The following ZBTB16 variants were observed in gnomAD, a reference collection of about 807,000 sequenced individuals.
ZBTB16 encodes zinc finger and BTB domain containing 16.
Under a neutral mutation model 56.8 loss-of-function variants are expected in ZBTB16, and 8 were observed. That is an observed-to-expected ratio of 0.14 (90% CI 0.08 to 0.25). ZBTB16 has a LOEUF of 0.25. Ranked by LOEUF, ZBTB16 falls within the 10% of genes least tolerant of loss-of-function variation. The probability of loss-of-function intolerance (pLI) is 1.00; values close to 1 mark genes in which losing one functional copy is unlikely to be tolerated. For missense variants in ZBTB16, 625 were observed against 903.0 expected (o/e 0.69, Z 3.95); for synonymous variants, 363 against 368.5 (o/e 0.98, Z 0.17).
At chr11:114,156,283 C>T in intron 2 of ZBTB16, 54 bp from the exon 3 acceptor site, 3 of 1,595,166 alleles carry the variant, frequency 1.9e-6, no homozygotes, top group Non-Finnish European at 2.6e-6. Context: ...GGGGATGGCC[C>T]TGCCTCTTGT....
intron 4 of ZBTB16, among the ~76,000 whole-genome samples, chr11:114,189,992 G>C (rs1198708503): frequency 1.3e-5 from 2 of 152,172 alleles, no homozygotes; most frequent in African/African-American, 2.4e-5. Context: ...ATACTATTTG[G>C]CCTTAAAAAG....
At chr11:114,090,868 A>G (rs766943605) in intron 2 of ZBTB16, among the ~76,000 whole-genome samples, 9 of 152,116 alleles carry the variant, frequency 5.9e-5, no homozygotes, top group Non-Finnish European at 1.2e-4. Context: ...TTTGTGGGAA[A>G]TTTTAAGAAA....
At chr11:114,197,354 A>G (rs1265059993) in intron 4 of ZBTB16, among the ~76,000 whole-genome samples, 1 of 152,066 alleles carries the variant, frequency 6.6e-6, no homozygotes, top group Non-Finnish European at 1.5e-5. Flanking sequence ...GGGAGTGGGC[A>G]TTGGAGGGAA....
chr11:114,179,825 G>A (rs1943204860), intron 3 of ZBTB16, among the ~76,000 whole-genome samples: 1 of 152,052 alleles, frequency 6.6e-6, no homozygotes, highest in Non-Finnish European at 1.5e-5. Flanking sequence ...TGGATGCCGG[G>A]ACCCCCTCAG....
chr11:114,234,078 C>A (rs1944512436), intron 4 of ZBTB16, among the ~76,000 whole-genome samples: 1 of 152,176 alleles, frequency 6.6e-6, no homozygotes, highest in South Asian at 2.1e-4. Context: ...GCTTTTGCTC[C>A]CTTGACTGAC....
chr11:114,245,642 G>A lies in ZBTB16; in HGVS notation c.1625-1556G>A, dbSNP rs115606577. 9.1e-3 allele frequency among the ~76,000 whole-genome samples: 1,393 copies of A among 152,264 alleles called. 20 individuals are homozygous for A. The highest frequency in any genetic ancestry group is 0.03 in the African/African-American group (1,256 of 41,534). On this transcript the variant is annotated intron_variant, in intron 5 of 6. Transcript: ENST00000335953. ...AAAGGAAGTGAAGGCACAGGCATGC[G>A]AGTCTATAACGAGAAGGACAATTTA...
chr11:114,207,700 G>C (rs1020293164), intron 4 of ZBTB16, among the ~76,000 whole-genome samples: 1 of 151,908 alleles, frequency 6.6e-6, no homozygotes, highest in African/African-American at 2.4e-5. Context: ...TGCAACCTCC[G>C]CCTCCTGGGT....
At chr11:114,126,608 G>T (rs1941514968) in intron 2 of ZBTB16, among the ~76,000 whole-genome samples, 1 of 152,196 alleles carries the variant, frequency 6.6e-6, no homozygotes, top group Non-Finnish European at 1.5e-5. Flanking sequence ...ATGGGGTTAG[G>T]GATCCGGCTG....
intron 2 of ZBTB16, among the ~76,000 whole-genome samples, chr11:114,100,447 C>T (rs1002306305): frequency 6.6e-6 from 1 of 152,170 alleles, no homozygotes; most frequent in Non-Finnish European, 1.5e-5. Flanking sequence ...TCTATGCCCC[C>T]TACTCCCCAG....
At position 114,254,963 on chromosome 11, in the gene ZBTB16, GC is replaced by G. The variant is rs1175117462; in HGVS notation, c.*4411del. The stretch of plus-strand genomic sequence containing the variant: ...TAGCCAGCAGCTGCGGCCTCCCCGG[GC>G]CCTTGGCATCCAACTTCGCAGACAG... On this transcript the variant is annotated 3_prime_UTR_variant, in exon 7 of 7. Transcript: ENST00000335953. Among the ~76,000 whole-genome samples, 1 of 152,194 alleles carries G rather than the reference GC, an allele frequency of 6.6e-6. No homozygotes were observed. The highest frequency in any genetic ancestry group is 2.4e-5 in the African/African-American group (1 of 41,446).
intron 2 of ZBTB16, among the ~76,000 whole-genome samples, chr11:114,155,572 C>G (rs995253610): frequency 1.3e-5 from 2 of 152,172 alleles, no homozygotes; most frequent in Non-Finnish European, 2.9e-5. Context: ...GCCCACCTCA[C>G]AGAATCACAG....
chr11:114,155,587 G>A (rs1292639444), intron 2 of ZBTB16, among the ~76,000 whole-genome samples: 1 of 152,182 alleles, frequency 6.6e-6, no homozygotes, highest in Non-Finnish European at 1.5e-5. Context: ...TCACAGTAAT[G>A]GCAAAATGAG....
rs577773969 is a variant in ZBTB16, at chr11:114,122,067, T to C, written c.1269-34270T>C. On this transcript the variant is annotated intron_variant, in intron 2 of 6. Transcript: ENST00000335953. ...TGATTTCTATAGCAACCATTTATTC[T>C]AGCAGATGTGTGCCTGGTATGGTTG... 3.9e-5 allele frequency among the ~76,000 whole-genome samples: 6 copies of C among 152,352 alleles called. No individual in the cohort carries two copies. In the East Asian group the frequency reaches 1.2e-3, roughly 29 times the overall value.
intron 3 of ZBTB16, among the ~76,000 whole-genome samples, chr11:114,174,314 T>G (rs990471311): frequency 4.0e-5 from 6 of 150,456 alleles, no homozygotes; most frequent in Non-Finnish European, 8.9e-5. Context: ...TGACTGAGGT[T>G]TTTTTTTTTT....
chr11:114,208,763 A>G (rs1280801368), intron 4 of ZBTB16, among the ~76,000 whole-genome samples: 2 of 152,160 alleles, frequency 1.3e-5, no homozygotes, highest in Admixed American at 1.3e-4. Flanking sequence ...GTTAACCACT[A>G]TTGTTTGGAA....
chr11:114,200,799 C>T (rs1565682524), intron 4 of ZBTB16, among the ~76,000 whole-genome samples: 1 of 152,194 alleles, frequency 6.6e-6, no homozygotes, highest in Non-Finnish European at 1.5e-5. Flanking sequence ...ACTGTCCACT[C>T]CTGTGTTTCC....
intron 3 of ZBTB16, among the ~76,000 whole-genome samples, chr11:114,167,411 C>G (rs1942812486): frequency 1.5e-5 from 1 of 67,964 alleles, no homozygotes; most frequent in Non-Finnish European, 2.6e-5. Flanking sequence ...TAAATTCTCC[C>G]TCTACCCCTT....
intron 2 of ZBTB16, among the ~76,000 whole-genome samples, chr11:114,142,794 CT>C (rs1451857171): frequency 6.6e-6 from 1 of 152,022 alleles, no homozygotes; most frequent in African/African-American, 2.4e-5. Context: ...GAGGAGAAAG[CT>C]TTTCATGAAG....
At chr11:114,074,573 G>T (rs1240761722) in intron 2 of ZBTB16, among the ~76,000 whole-genome samples, 1 of 152,180 alleles carries the variant, frequency 6.6e-6, no homozygotes, top group Admixed American at 6.5e-5. Flanking sequence ...TTCCAGAGTT[G>T]GAGAGACAAC....
Sources: allele counts gnomAD v4.1 joint callset (sites outside exome capture counted in the v4.1 genomes callset), GRCh38; gene constraint gnomAD v4.1.1; transcripts MANE v1.5; gene names NCBI Gene and HGNC (gene_info 2026-07-23, HGNC 2026-07-21).